The following STPG2 variants were observed in gnomAD, a reference collection of about 807,000 sequenced individuals.
STPG2 encodes the protein sperm-tail PG-rich repeat-containing protein 2.
In STPG2, 56 loss-of-function variants were observed where a neutral mutation model predicts 54.2. The observed-to-expected ratio is 1.03, with a 90% CI of 0.83 to 1.29. STPG2 has a LOEUF of 1.29. Among genes scored for constraint, STPG2 ranks in the 50% most tolerant of loss-of-function variants. The probability of loss-of-function intolerance (pLI) is 0.00; values close to 1 mark genes in which losing one functional copy is unlikely to be tolerated. For missense variants in STPG2, 596 were observed against 544.9 expected (o/e 1.09, Z -0.93); for synonymous variants, 200 against 181.8 (o/e 1.10, Z -0.81).
At chr4:97,713,009 T>C (rs1188443449) in intron 9 of STPG2, among the ~76,000 whole-genome samples, 195 bp from the exon 10 acceptor site, 1 of 152,162 alleles carries the variant, frequency 6.6e-6, no homozygotes, top group African/African-American at 2.4e-5. Flanking sequence ...TGGCATCTGT[T>C]TACCTAATAA....
At chr4:97,450,359 A>G (rs554531144) in intron 4 of STPG2, among the ~76,000 whole-genome samples, 33 of 152,184 alleles carry the variant, frequency 2.2e-4, no homozygotes, top group Non-Finnish European at 4.4e-4. Flanking sequence ...TTGTCAGCCA[A>G]AAATACATAA....
intron 8 of STPG2, among the ~76,000 whole-genome samples, chr4:97,898,381 GT>G (rs66747455): frequency 0.37 from 56,286 of 151,178 alleles, 10,476 homozygotes; most frequent in Middle Eastern, 0.45. Flanking sequence ...TTACAGAATT[GT>G]TGGAAATGAG....
chr4:98,062,930 T>C (rs990000402), intron 5 of STPG2, among the ~76,000 whole-genome samples: 48 of 151,996 alleles, frequency 3.2e-4, no homozygotes, highest in Non-Finnish European at 5.7e-4. Context: ...AAAAATTTGT[T>C]GTAAAGACTA....
At chr4:97,773,320 T>TTAG (rs1223215181) in intron 9 of STPG2, among the ~76,000 whole-genome samples, 1 of 152,062 alleles carries the variant, frequency 6.6e-6, no homozygotes, top group Non-Finnish European at 1.5e-5. Context: ...TAATTTATTA[T>TTAG]TATTATTATT....
At chr4:97,563,186 A>G (rs1376281514) in intron 10 of STPG2, among the ~76,000 whole-genome samples, 3 of 152,106 alleles carry the variant, frequency 2.0e-5, no homozygotes, top group East Asian at 1.9e-4. Flanking sequence ...TGTATGTGTC[A>G]AGGAATTTAT....
At chr4:97,783,671 A>G (rs1012406803) in intron 9 of STPG2, among the ~76,000 whole-genome samples, 1 of 152,234 alleles carries the variant, frequency 6.6e-6, no homozygotes, top group Non-Finnish European at 1.5e-5. Flanking sequence ...ACTTGGAATC[A>G]ATCCAAATGT....
chr4:97,470,951 C>A (rs1175191105), intron 4 of STPG2, among the ~76,000 whole-genome samples: 1 of 151,986 alleles, frequency 6.6e-6, no homozygotes, highest in African/African-American at 2.4e-5. Flanking sequence ...TTTGGTTGAT[C>A]CTGGATCATC....
intron 8 of STPG2, among the ~76,000 whole-genome samples, chr4:97,916,084 C>T (rs1731864553): frequency 6.6e-6 from 1 of 152,062 alleles, no homozygotes; most frequent in South Asian, 2.1e-4. Context: ...GACAATATAT[C>T]CTGATTTGCC....
At chr4:97,614,210 A>G (rs1173162527) in intron 10 of STPG2, among the ~76,000 whole-genome samples, 1 of 152,088 alleles carries the variant, frequency 6.6e-6, no homozygotes, top group Non-Finnish European at 1.5e-5. Flanking sequence ...GGCCATCCCT[A>G]AAGAACTGAG....
intron 8 of STPG2, among the ~76,000 whole-genome samples, chr4:97,876,061 T>C (rs1560566775): frequency 6.6e-6 from 1 of 152,050 alleles, no homozygotes; most frequent in Non-Finnish European, 1.5e-5. Flanking sequence ...GTCTACTGTA[T>C]GAACTGTGGC....
intron 10 of STPG2, among the ~76,000 whole-genome samples, chr4:97,707,042 T>C (rs147423716): frequency 5.9e-5 from 9 of 152,224 alleles, no homozygotes; most frequent in Non-Finnish European, 1.2e-4. Flanking sequence ...TGGTACAACA[T>C]CATTGAGCAG....
At chr4:97,978,399 T>C (rs1445028725) in intron 6 of STPG2, among the ~76,000 whole-genome samples, 1 of 152,154 alleles carries the variant, frequency 6.6e-6, no homozygotes, top group Non-Finnish European at 1.5e-5. Context: ...CTTAGCAAAC[T>C]AACACAGAAA....
intron 10 of STPG2, among the ~76,000 whole-genome samples, chr4:97,565,623 C>T (rs1453685694): frequency 1.3e-5 from 2 of 152,110 alleles, no homozygotes; most frequent in African/African-American, 4.8e-5. Context: ...TGTGGATATC[C>T]TTTCTGTTTG....
intron 5 of STPG2, among the ~76,000 whole-genome samples, chr4:98,001,804 T>C (rs189355043): frequency 1.1e-3 from 169 of 152,230 alleles, no homozygotes; most frequent in African/African-American, 3.9e-3. Context: ...AAGTCTGGAT[T>C]TGTATGTGAA....
chr4:97,588,003 G>C (rs1733043466), intron 10 of STPG2, among the ~76,000 whole-genome samples: 1 of 151,952 alleles, frequency 6.6e-6, no homozygotes, highest in African/African-American at 2.4e-5. Flanking sequence ...CTGAAATTAG[G>C]CTGAAATTTG....
chr4:97,484,246 C>CA (rs1021588424), intron 4 of STPG2, among the ~76,000 whole-genome samples: 7 of 150,888 alleles, frequency 4.6e-5, no homozygotes, highest in Admixed American at 1.3e-4. Flanking sequence ...TAAATTGAAA[C>CA]AAAAAAATAC....
At chr4:98,014,824 A>G (rs1560636007) in intron 5 of STPG2, among the ~76,000 whole-genome samples, 1 of 152,068 alleles carries the variant, frequency 6.6e-6, no homozygotes, top group Non-Finnish European at 1.5e-5. Flanking sequence ...ATTTTTGCTC[A>G]CCTGGGAAAT....
intron 5 of STPG2, among the ~76,000 whole-genome samples, chr4:97,997,355 C>T (rs979431870): frequency 6.6e-6 from 1 of 152,116 alleles, no homozygotes; most frequent in African/African-American, 2.4e-5. Context: ...TGGAAGCCTA[C>T]AATTATGGCA....
At position 97,921,887 on chromosome 4, in the gene STPG2, T is replaced by C. The variant is rs537633064; in HGVS notation, c.1044+22010A>G. On this transcript the variant is annotated intron_variant, in intron 8 of 10. Transcript: ENST00000295268. ...TCATTTGCAACAATATGAATGAACC[T>C]AGAGGACATTATGATAAGGGAAATT... Among the ~76,000 whole-genome samples the C allele has an allele frequency of 2.3e-4, 35 of 152,144 alleles. 1 individual carries two copies. The highest frequency in any genetic ancestry group is 1.2e-4 in the Non-Finnish European group (8 of 68,028).
Sources: allele counts gnomAD v4.1 joint callset (sites outside exome capture counted in the v4.1 genomes callset), GRCh38; gene constraint gnomAD v4.1.1; transcripts MANE v1.5; gene names NCBI Gene and HGNC (gene_info 2026-07-23, HGNC 2026-07-21).